DCC: variants seen among roughly 807,000 people sequenced by gnomAD.
The protein encoded by DCC is DCC netrin 1 receptor.
In DCC, 58 loss-of-function variants were observed where a neutral mutation model predicts 172.5. The ratio of observed to expected loss-of-function variants is 0.34; its 90% CI spans 0.27 to 0.42. The LOEUF is 0.42. Ranked by LOEUF, DCC falls within the 10% of genes least tolerant of loss-of-function variation. The pLI is 1.00. For synonymous variants in DCC, 709 were observed against 644.5 expected, an observed-to-expected ratio of 1.10 and a Z score of -1.52; for missense variants, 1,740 against 1,791.0, an observed-to-expected ratio of 0.97 and a Z score of 0.51.
intron 7 of DCC, among the ~76,000 whole-genome samples, chr18:53,094,265 T>G (rs1275665062): frequency 6.6e-6 from 1 of 152,198 alleles, no homozygotes; most frequent in Non-Finnish European, 1.5e-5. Flanking sequence ...GGGTAGAAGA[T>G]ATGTACAGAC....
intron 22 of DCC, among the ~76,000 whole-genome samples, chr18:53,448,047 GTTTTTTTTTTTTT>G (rs35238619): frequency 8.8e-6 from 1 of 113,756 alleles, no homozygotes; most frequent in Non-Finnish European, 1.7e-5. Flanking sequence ...ATTTTGATGA[GTTTTTTTTTTTTT>G]TTTTTTTTTT....
At chr18:52,544,891 C>T (rs1466435775) in intron 1 of DCC, among the ~76,000 whole-genome samples, 5 of 152,152 alleles carry the variant, frequency 3.3e-5, no homozygotes, top group African/African-American at 1.2e-4. Flanking sequence ...TATTCTCACC[C>T]ATTAAACCTA....
chr18:52,476,125 A>G (rs1270693903), intron 1 of DCC, among the ~76,000 whole-genome samples: 2 of 152,236 alleles, frequency 1.3e-5, no homozygotes, highest in Admixed American at 6.5e-5. Context: ...CACAGGCTCA[A>G]TGAAAATCAA....
At chr18:53,367,864 CCTT>C (rs2058022978) in intron 15 of DCC, among the ~76,000 whole-genome samples, 2 of 152,026 alleles carry the variant, frequency 1.3e-5, no homozygotes, top group Admixed American at 1.3e-4. Flanking sequence ...CTCAGAATTT[CCTT>C]CTTTTTAAAG....
intron 2 of DCC, among the ~76,000 whole-genome samples, chr18:52,874,313 A>G (rs1394140568): frequency 6.6e-6 from 1 of 152,230 alleles, no homozygotes; most frequent in Admixed American, 6.5e-5. Flanking sequence ...TATAAAGACC[A>G]ATTTAACTTA....
intron 1 of DCC, among the ~76,000 whole-genome samples, chr18:52,361,785 C>T (rs950551950): frequency 3.3e-5 from 5 of 152,196 alleles, no homozygotes; most frequent in African/African-American, 1.2e-4. Context: ...GTTTCCTACT[C>T]AAATTGCTAC....
intron 8 of DCC, among the ~76,000 whole-genome samples, chr18:53,161,373 G>T (rs1291448652): frequency 6.6e-6 from 1 of 152,066 alleles, no homozygotes; most frequent in Non-Finnish European, 1.5e-5. Flanking sequence ...TATTGCACAT[G>T]CTCTCCTCAT....
At chr18:53,514,549 T>A (rs2046308294) in intron 27 of DCC, among the ~76,000 whole-genome samples, 1 of 151,994 alleles carries the variant, frequency 6.6e-6, no homozygotes, top group African/African-American at 2.4e-5. Flanking sequence ...GATAGACCAC[T>A]AGCATGACTA....
At chr18:52,941,702 C>G (rs1388966204) in intron 5 of DCC, among the ~76,000 whole-genome samples, 14 of 152,078 alleles carry the variant, frequency 9.2e-5, no homozygotes, top group African/African-American at 3.4e-4. Context: ...GCTTCATTCA[C>G]CAAAGAGACT....
At chr18:52,489,226 A>G (rs534318984) in intron 1 of DCC, among the ~76,000 whole-genome samples, 2 of 152,170 alleles carry the variant, frequency 1.3e-5, no homozygotes, top group East Asian at 1.9e-4. Context: ...TGGTCCAGGA[A>G]GCTCTCCGTA....
chr18:52,589,294 C>T (rs970388591), intron 1 of DCC, among the ~76,000 whole-genome samples: 3 of 152,038 alleles, frequency 2.0e-5, no homozygotes, highest in African/African-American at 7.2e-5. Context: ...TTTGATTCTG[C>T]TAAGCAAAAA....
At position 53,531,631 on chromosome 18, in the gene DCC, A is replaced by G. The variant is rs1334963677; in HGVS notation, c.*978A>G. 1 of 152,202 alleles carries G rather than the reference A, an allele frequency of 6.6e-6. No homozygotes were observed. Among genetic ancestry groups the G allele is most frequent in the Non-Finnish European group, 1.5e-5 (1 of 68,028 alleles). The allele number at this position is 152,202 out of a possible 1,614,324, so 9.4% of individuals were successfully genotyped here. On this transcript the variant is annotated 3_prime_UTR_variant, in exon 29 of 29. Transcript: ENST00000442544. The stretch of plus-strand genomic sequence containing the variant: ...TGAAATGGCCAGCTCCACATGTCAT[A>G]TGGTGCACTGGCCAATGTCGCCTGT...
intron 14 of DCC, among the ~76,000 whole-genome samples, chr18:53,329,919 A>G (rs2057511394): frequency 6.6e-6 from 1 of 152,206 alleles, no homozygotes; most frequent in Admixed American, 6.5e-5. Context: ...TATATTTGAG[A>G]AATAAATATA....
intron 2 of DCC, among the ~76,000 whole-genome samples, chr18:52,902,125 C>G (rs1011965783): frequency 2.0e-5 from 3 of 152,132 alleles, no homozygotes; most frequent in African/African-American, 7.2e-5. Context: ...TTTAGGACAT[C>G]TACAAGTTCA....
rs1008131943 is a variant in DCC at position 52,978,650 on chromosome 18, G to A, written c.985+53280G>A. 3.3e-5 allele frequency among the ~76,000 whole-genome samples: 5 copies of A among 152,222 alleles called. No individual in the cohort carries two copies. The South Asian group carries it at 1.0e-3, about 32-fold the overall frequency. ...AGCACAGTGAGAGTGTGAATCTGCAGGACTCAATTCCAGAAGCCATGCCCT... is the reference window on the plus strand; with the variant it reads ...AGCACAGTGAGAGTGTGAATCTGCAAGACTCAATTCCAGAAGCCATGCCCT... On this transcript the variant is annotated intron_variant, in intron 5 of 28. Transcript: ENST00000442544.
At chr18:52,381,197 A>G (rs1985569763) in intron 1 of DCC, among the ~76,000 whole-genome samples, 1 of 152,150 alleles carries the variant, frequency 6.6e-6, no homozygotes, top group African/African-American at 2.4e-5. Flanking sequence ...ATCACTGTGA[A>G]ATTATAAACT....
chr18:52,909,560 T>A (rs1435877405), intron 3 of DCC, among the ~76,000 whole-genome samples: 2 of 152,168 alleles, frequency 1.3e-5, no homozygotes, highest in Non-Finnish European at 1.5e-5. Flanking sequence ...CTTATTCAAG[T>A]CTATGTGAAA....
intron 2 of DCC, among the ~76,000 whole-genome samples, chr18:52,873,308 A>C (rs2039351030): frequency 6.6e-6 from 1 of 152,190 alleles, no homozygotes; most frequent in Admixed American, 6.5e-5. Flanking sequence ...TTCATCCGGC[A>C]AAGAGCTTAT....
chr18:52,802,579 A>G (rs955135797), intron 2 of DCC, among the ~76,000 whole-genome samples: 1 of 143,284 alleles, frequency 7.0e-6, no homozygotes, highest in African/African-American at 2.6e-5. Flanking sequence ...CCTGAGCTCA[A>G]GTGGTCCTCC....
Sources: allele counts gnomAD v4.1 joint callset (sites outside exome capture counted in the v4.1 genomes callset), GRCh38; gene constraint gnomAD v4.1.1; transcripts MANE v1.5; gene names NCBI Gene and HGNC (gene_info 2026-07-23, HGNC 2026-07-21).